Variants in PTPRF observed in about 807,000 individuals in gnomAD.
PTPRF encodes the protein receptor-type tyrosine-protein phosphatase F.
Under a neutral mutation model 201.8 loss-of-function variants are expected in PTPRF, and 59 were observed. The observed-to-expected ratio is 0.29, with a 90% CI of 0.24 to 0.36. The LOEUF is 0.36. Among genes scored for constraint, PTPRF ranks in the 10% least tolerant of loss-of-function variants. PTPRF has a pLI of 1.00. For missense variants in PTPRF, 2,132 were observed against 2,690.5 expected (o/e 0.79, Z 4.59); for synonymous variants, 1,088 against 1,089.7 (o/e 1.00, Z 0.03).
At chr1:43,533,801 T>TTGCA (rs1212047604) in intron 1 of PTPRF, among the ~76,000 whole-genome samples, 2 of 152,094 alleles carry the variant, frequency 1.3e-5, no homozygotes, top group Non-Finnish European at 2.9e-5. Flanking sequence ...GGGGAGCAGG[T>TTGCA]TGCACCATGG....
intron 6 of PTPRF, among the ~76,000 whole-genome samples, chr1:43,578,213 T>G (rs1184081709): frequency 6.6e-6 from 1 of 151,926 alleles, no homozygotes; most frequent in African/African-American, 2.4e-5. Context: ...AGGACCGGGC[T>G]GAGGAGTGGA....
Position 43,621,995 on chromosome 1 carries a change from G to A in PTPRF, c.5716G>A (p.Ala1906Thr). 1 of 1,614,104 alleles carries A rather than the reference G, an allele frequency of 6.2e-7. No homozygotes were observed. Among genetic ancestry groups the A allele is most frequent in the Non-Finnish European group, 8.5e-7 (1 of 1,179,996 alleles). The change falls in exon 34 of 34, where the codon GCA becomes ACA. Residue 1906 changes from alanine to threonine, a missense_variant. Around this residue, in one of 6 missense-constraint regions of PTPRF, gnomAD observed 519 missense variants for 659.5 expected, o/e 0.79. Coordinates refer to ENST00000359947, the MANE Select transcript of PTPRF (RefSeq NM_002840.5). ...GTACCTCGGCAGCTTTGACCACTAT[G>A]CAACGTAACTACCGCTCCCCTCTCC... The part of the protein sequence containing the change: ...LEYLGSFDHY[A>T]T
At chr1:43,565,421 C>A (rs562079187) in intron 5 of PTPRF, among the ~76,000 whole-genome samples, 1 of 152,258 alleles carries the variant, frequency 6.6e-6, no homozygotes, top group African/African-American at 2.4e-5. Context: ...CACGTGCACA[C>A]TCCCCACCTT....
At position 43,622,162 on chromosome 1, in the gene PTPRF, C is replaced by T. The variant is rs575781647; in HGVS notation, c.*159C>T. ...ACAGCGTTTCAGGAACGTTGCCACA[C>T]CAATCAGAGAGCCTAGAACATCCCT... On this transcript the variant is annotated 3_prime_UTR_variant, in exon 34 of 34. Coordinates refer to ENST00000359947, the MANE Select transcript of PTPRF (RefSeq NM_002840.5). 9.6e-5 allele frequency: 71 copies of T among 743,218 alleles called. No individual in the cohort carries two copies. The East Asian group carries it at 1.8e-3, about 19-fold the overall frequency. The allele number at this position is 743,218 out of a possible 1,614,324, so 46.0% of individuals were successfully genotyped here. A position where few individuals can be genotyped will look rare whatever the true frequency, so the allele number is the denominator to read the frequency against.
At position 43,569,731 on chromosome 1, in the gene PTPRF, C is replaced by T. The variant is rs756996085; in HGVS notation, c.521C>T (p.Pro174Leu). The change falls in exon 6 of 34, where the codon CCT (proline) becomes CTT (leucine). Residue 174 changes from proline to leucine, a missense_variant. Transcript: ENST00000359947. ...ATTTCTTGGTTCAAGGACTTCCTTCCTGTAGACCCTGCCACGAGCAACGGC... is the reference window on the plus strand; with the variant it reads ...ATTTCTTGGTTCAAGGACTTCCTTCTTGTAGACCCTGCCACGAGCAACGGC... ...PEISWFKDFL[P>L]VDPATSNGRI... 2 of 1,613,638 alleles carry T rather than the reference C, an allele frequency of 1.2e-6. No individual in the cohort carries two copies. Among genetic ancestry groups the T allele is most frequent in the African/African-American group, 2.7e-5 (2 of 74,912 alleles).
intron 14 of PTPRF, 119 bp downstream of exon 14, chr1:43,602,216 C>T: frequency 1.6e-6 from 2 of 1,278,008 alleles, no homozygotes; most frequent in South Asian, 1.2e-5. Context: ...GCTCTAGCCA[C>T]ATCAGGAGAA....
chr1:43,572,540 G>A lies in PTPRF; in HGVS notation c.568+2762G>A, dbSNP rs535913525. ...TCCCTGCCTGACCTGGCCTGGGACC[G>A]TTGGCCTCAGTTGTTGCTGGCCTTA... is the stretch of plus-strand genomic sequence containing the variant. On this transcript the variant is annotated intron_variant, in intron 6 of 33. Coordinates refer to ENST00000359947, the MANE Select transcript of PTPRF (RefSeq NM_002840.5). Among the ~76,000 whole-genome samples, 5 of 152,306 alleles carry A rather than the reference G, an allele frequency of 3.3e-5. No individual in the cohort carries two copies. The South Asian group carries it at 6.2e-4, about 19-fold the overall frequency.
Position 43,569,552 on chromosome 1 carries a change from G to C in PTPRF, c.380-38G>C, listed in dbSNP as rs772588057. ...CCAGAGGGGTCATAGGGGGCAGGCA[G>C]AGCCAGCCCTAATACACACATTGCT... On this transcript the variant is annotated intron_variant, in intron 5 of 33. Transcript: ENST00000359947. The C allele has an allele frequency of 3.2e-6, 5 of 1,546,914 alleles. No homozygotes were observed. The African/African-American group carries it at 6.8e-5, about 21-fold the overall frequency.
chr1:43,543,517 CAG>C (rs879822862), intron 2 of PTPRF, among the ~76,000 whole-genome samples: 5 of 152,324 alleles, frequency 3.3e-5, no homozygotes, highest in South Asian at 2.1e-4. Context: ...GATCCTGGGA[CAG>C]GGGACAACTC....
chr1:43,564,468 C>T (rs535474384), intron 5 of PTPRF, among the ~76,000 whole-genome samples: 31 of 152,290 alleles, frequency 2.0e-4, no homozygotes, highest in African/African-American at 5.5e-4. Context: ...TGTGTGTTTG[C>T]GTGTCTCTGT....
rs766215623 is a variant in PTPRF at position 43,591,861 on chromosome 1, G to A, written c.1581G>A (p.Arg527=). ...AGGCCGAGGTGGAGTCGGACACCAG[G>A]ATCCAGCTCTCGTGGCTGCTGCCCC... ...DFQAEVESDT[R]IQLSWLLPPQ... Residue 527 remains arginine, a synonymous_variant, in exon 10 of 34, where the codon AGG becomes AGA. Transcript: ENST00000359947. The A allele has an allele frequency of 3.1e-6, 5 of 1,613,436 alleles. No homozygotes were observed. In the South Asian group the frequency reaches 5.5e-5, roughly 18 times the overall value.
At chr1:43,532,230 G>A (rs1238367050) in intron 1 of PTPRF, among the ~76,000 whole-genome samples, 1 of 152,160 alleles carries the variant, frequency 6.6e-6, no homozygotes, top group African/African-American at 2.4e-5. Flanking sequence ...TTCCACCCCG[G>A]AGGGGGAGGG....
chr1:43,532,366 C>T (rs941547169), intron 1 of PTPRF, among the ~76,000 whole-genome samples: 5 of 152,190 alleles, frequency 3.3e-5, no homozygotes, highest in Non-Finnish European at 5.9e-5. Flanking sequence ...CTGCCCCAGC[C>T]TGGGGGTTGT....
At chr1:43,593,778 G>A (rs1157897118) in intron 11 of PTPRF, among the ~76,000 whole-genome samples, 2 of 151,176 alleles carry the variant, frequency 1.3e-5, no homozygotes, top group African/African-American at 2.4e-5. Flanking sequence ...CTGAGGTCAG[G>A]AGTTAGAGAC....
intron 12 of PTPRF, 37 bp from the exon 13 acceptor site, chr1:43,598,683 C>A: frequency 6.3e-7 from 1 of 1,593,676 alleles, no homozygotes; most frequent in South Asian, 1.1e-5. Flanking sequence ...GGGTTGATAC[C>A]TCCAGGCCTG....
chr1:43,592,931 A>C (rs114221323), intron 11 of PTPRF, among the ~76,000 whole-genome samples: 43 of 152,124 alleles, frequency 2.8e-4, no homozygotes, highest in African/African-American at 1.0e-3. Context: ...AGCTTAGCTG[A>C]TGGGCCATCC....
intron 23 of PTPRF, among the ~76,000 whole-genome samples, chr1:43,614,723 T>C (rs1657306413): frequency 6.6e-6 from 1 of 152,138 alleles, no homozygotes; most frequent in African/African-American, 2.4e-5. Context: ...TGGTGGCACA[T>C]GCCTGTAGTC....
Position 43,605,235 on chromosome 1 carries a change from C to A in PTPRF, c.3181C>A (p.Arg1061=), listed in dbSNP as rs571838340. ...QSVEVDGHSM[R]KLIADLQPNT... ...TGTGGAGGTGGACGGGCACTCGATG[C>A]GGAAGCTGATCGCAGACCTGCAGCC... Residue 1061 remains arginine (R), a synonymous_variant, in exon 18 of 34, where the codon CGG becomes AGG. Transcript: ENST00000359947. The A allele has an allele frequency of 1.0e-5, 16 of 1,607,636 alleles. No individual in the cohort carries two copies. In the South Asian group the frequency reaches 1.8e-4, roughly 18 times the overall value.
intron 6 of PTPRF, among the ~76,000 whole-genome samples, chr1:43,575,162 G>A (rs963606158): frequency 7.2e-5 from 11 of 152,162 alleles, no homozygotes; most frequent in Non-Finnish European, 1.5e-4. Context: ...GATGAAACCC[G>A]CTCAAATCTC....
Sources: gnomAD v4.1 joint callset for allele counts (sites outside exome capture counted in the v4.1 genomes callset) on GRCh38, gnomAD v4.1.1 for gene constraint, gnomAD v4.1.1 regional missense constraint, MANE v1.5 for transcripts, NCBI Gene and HGNC (gene_info 2026-07-23, HGNC 2026-07-21) for gene names.